FNDC3B: variants seen among roughly 807,000 people sequenced by gnomAD.
FNDC3B encodes the protein fibronectin type III domain containing 3B, also known as fibronectin type III domain-containing protein 3B.
FNDC3B carries 12 observed loss-of-function variants against 151.5 expected under a neutral mutation model. The ratio of observed to expected loss-of-function variants is 0.08; its 90% CI spans 0.05 to 0.13. The LOEUF (loss-of-function observed/expected upper bound fraction) is 0.13. Ranked by LOEUF, FNDC3B falls within the 10% of genes least tolerant of loss-of-function variation. The probability of loss-of-function intolerance (pLI) is 1.00; values close to 1 mark genes in which losing one functional copy is unlikely to be tolerated. For missense variants in FNDC3B, 1,214 were observed against 1,505.3 expected (o/e 0.81, Z 3.20); for synonymous variants, 528 against 549.0 (o/e 0.96, Z 0.54).
Position 172,285,917 on chromosome 3 carries a change from G to T in FNDC3B, c.791-9G>T, listed in dbSNP as rs764195594. On this transcript the variant is annotated splice_polypyrimidine_tract_variant and intron_variant, in intron 6 of 25. Coordinates refer to ENST00000415807, the MANE Select transcript of FNDC3B (RefSeq NM_022763.4). ...TATTGTTTTTCCTTTTTTCTTTTTC[G>T]CAATGCAGAATATGAGTTGGAAGTA... 6 of 1,609,978 alleles carry T rather than the reference G, an allele frequency of 3.7e-6. No individual in the cohort carries two copies. In the East Asian group the frequency reaches 8.9e-5, roughly 24 times the overall value.
intron 3 of FNDC3B, among the ~76,000 whole-genome samples, chr3:172,153,502 C>T (rs1294469628): frequency 6.6e-6 from 1 of 152,184 alleles, no homozygotes; most frequent in Non-Finnish European, 1.5e-5. Flanking sequence ...CACAACTGAG[C>T]AGAACAGAGC....
intron 4 of FNDC3B, among the ~76,000 whole-genome samples, chr3:172,231,815 C>G (rs993770688): frequency 6.6e-6 from 1 of 151,166 alleles, no homozygotes; most frequent in Non-Finnish European, 1.5e-5. Context: ...GTGTGTTGTG[C>G]CTACTTATGC....
chr3:172,296,516 C>G (rs1163343645), intron 8 of FNDC3B, among the ~76,000 whole-genome samples: 1 of 152,170 alleles, frequency 6.6e-6, no homozygotes, highest in Admixed American at 6.5e-5. Context: ...GTCTTCCACC[C>G]CCGACTCTTG....
At chr3:172,205,794 C>T (rs1251467404) in intron 3 of FNDC3B, among the ~76,000 whole-genome samples, 1 of 152,170 alleles carries the variant, frequency 6.6e-6, no homozygotes, top group Non-Finnish European at 1.5e-5. Context: ...GTTTGCTCCT[C>T]TTTGTTTTTG....
chr3:172,310,942 C>A (rs1254070109), intron 11 of FNDC3B, 61 bp downstream of exon 11: 26 of 1,123,054 alleles, frequency 2.3e-5, no homozygotes, highest in Non-Finnish European at 3.5e-5. Flanking sequence ...ATTAACTGAA[C>A]AAATGCCATC....
At chr3:172,148,666 C>T (rs879925330) in intron 3 of FNDC3B, 26 of 152,054 alleles carry the variant, frequency 1.7e-4, no homozygotes, top group African/African-American at 4.1e-4. Flanking sequence ...TTTAGAACTT[C>T]GGGCCCTGTT....
At chr3:172,357,056 A>G (rs1167567517) in intron 22 of FNDC3B, among the ~76,000 whole-genome samples, 1 of 152,228 alleles carries the variant, frequency 6.6e-6, no homozygotes, top group Non-Finnish European at 1.5e-5. Context: ...TGCGTTGTAG[A>G]AGGCTATGAT....
At chr3:172,315,502 C>T (rs1731734867) in intron 11 of FNDC3B, among the ~76,000 whole-genome samples, 1 of 152,202 alleles carries the variant, frequency 6.6e-6, no homozygotes, top group African/African-American at 2.4e-5. Flanking sequence ...TGCCAAGTTC[C>T]CTTGTGGTGA....
intron 8 of FNDC3B, among the ~76,000 whole-genome samples, chr3:172,297,886 C>T (rs975218789): frequency 6.6e-6 from 1 of 152,190 alleles, no homozygotes; most frequent in South Asian, 2.1e-4. Flanking sequence ...CATAAACTTA[C>T]ATTGATATGA....
At chr3:172,338,713 C>CT (rs946475828) in intron 16 of FNDC3B, among the ~76,000 whole-genome samples, 7 of 152,028 alleles carry the variant, frequency 4.6e-5, no homozygotes, top group Admixed American at 4.6e-4. Flanking sequence ...ATCTCTCTAA[C>CT]TATTAAGGTT....
chr3:172,133,956 G>GTA (rs1231682996), intron 3 of FNDC3B, among the ~76,000 whole-genome samples: 1 of 152,302 alleles, frequency 6.6e-6, no homozygotes, highest in African/African-American at 2.4e-5. Flanking sequence ...GAGGGAGCTA[G>GTA]TAGGTCCAGC....
intron 3 of FNDC3B, among the ~76,000 whole-genome samples, chr3:172,176,565 A>C (rs1723604656): frequency 6.6e-6 from 1 of 152,218 alleles, no homozygotes. Flanking sequence ...AGGGGTGGGC[A>C]ATTACAGAGG....
Position 172,304,789 on chromosome 3 carries a change from CAG to C in FNDC3B, c.1062-2573_1062-2572del, listed in dbSNP as rs1731110489. Among the ~76,000 whole-genome samples the C allele has an allele frequency of 3.3e-5, 5 of 151,778 alleles. No individual in the cohort carries two copies. In the South Asian group the frequency reaches 1.0e-3, roughly 31 times the overall value. On this transcript the variant is annotated intron_variant, in intron 9 of 25. Coordinates refer to ENST00000415807, the MANE Select transcript of FNDC3B (RefSeq NM_022763.4). ...GCAAGTGCCTGTAATCCCAGCCACT[CAG>C]GGGGCCGAGGCAGGAGACTCACTTG...
rs1346402446 is a variant in FNDC3B, at chr3:172,344,243, T to C, written c.2235T>C (p.Ala745=). ...PGTVYRFRVR[A]LNDGGYGPYS... Reference sequence around the variant, plus strand: ...CCGTGTATCGCTTCCGGGTGAGGGCTCTGAATGATGGAGGGGTGAGTATAA... The same window carrying C: ...CCGTGTATCGCTTCCGGGTGAGGGCCCTGAATGATGGAGGGGTGAGTATAA... The change falls in exon 19 of 26, where the codon GCT becomes GCC. Residue 745 remains alanine (A), a synonymous_variant. Coordinates refer to ENST00000415807, the MANE Select transcript of FNDC3B (RefSeq NM_022763.4). 6.2e-7 allele frequency: 1 copy of C among 1,613,860 alleles called. No individual in the cohort carries two copies. The highest frequency in any genetic ancestry group is 1.3e-5 in the African/African-American group (1 of 75,026).
chr3:172,253,309 A>G (rs759087991), intron 6 of FNDC3B, among the ~76,000 whole-genome samples: 1 of 152,210 alleles, frequency 6.6e-6, no homozygotes, highest in Non-Finnish European at 1.5e-5. Flanking sequence ...TGTGAGCCAT[A>G]TATTTTGTTT....
Position 172,344,275 on chromosome 3 carries a change from A to G in FNDC3B, c.2250+17A>G. 6.3e-7 allele frequency: 1 copy of G among 1,597,828 alleles called. No individual in the cohort carries two copies. Among genetic ancestry groups the G allele is most frequent in the Non-Finnish European group, 8.5e-7 (1 of 1,170,804 alleles). On this transcript the variant is annotated intron_variant, in intron 19 of 25. Coordinates refer to ENST00000415807, the MANE Select transcript of FNDC3B (RefSeq NM_022763.4). ...GATGGAGGGGTGAGTATAAGCCCAT[A>G]CACCATAACCAGAATCAGAATGCAT...
intron 3 of FNDC3B, among the ~76,000 whole-genome samples, chr3:172,167,760 A>T (rs555297165): frequency 6.6e-6 from 1 of 152,306 alleles, no homozygotes; most frequent in South Asian, 2.1e-4. Flanking sequence ...CAGCAGTGGC[A>T]TTAGACTCTC....
intron 3 of FNDC3B, among the ~76,000 whole-genome samples, chr3:172,148,026 G>A (rs1017804881): frequency 2.7e-4 from 41 of 151,708 alleles, no homozygotes; most frequent in African/African-American, 8.9e-4. Context: ...GTTTGAACCC[G>A]GGACTCTAAT....
At chr3:172,298,897 T>C in intron 9 of FNDC3B, 110 bp downstream of exon 9, 2 of 684,498 alleles carry the variant, frequency 2.9e-6, no homozygotes, top group Non-Finnish European at 4.9e-6. Context: ...TGCTGAAAGT[T>C]GTAGAACCAT....
Sources: gnomAD v4.1 joint callset for allele counts (sites outside exome capture counted in the v4.1 genomes callset) on GRCh38, gnomAD v4.1.1 for gene constraint, MANE v1.5 for transcripts, NCBI Gene and HGNC (gene_info 2026-07-23, HGNC 2026-07-21) for gene names.